ELAC1: variants seen among roughly 807,000 people sequenced by gnomAD.
The protein encoded by ELAC1 is zinc phosphodiesterase ELAC protein 1.
A neutral mutation model predicts 25.8 loss-of-function variants in ELAC1; 19 were observed. That is an observed-to-expected ratio of 0.74 (90% CI 0.51 to 1.08). The LOEUF (loss-of-function observed/expected upper bound fraction) is 1.08, where lower values mean the gene tolerates loss of function less well. Ranked by LOEUF, ELAC1 falls within the 50% of genes least tolerant of loss-of-function variation. ELAC1 has a pLI of 0.00. For synonymous variants in ELAC1, 148 were observed against 160.9 expected (o/e 0.92, Z 0.61); for missense variants, 403 against 434.6 (o/e 0.93, Z 0.65).
At chr18:50,975,967 G>C (rs1176628081) in intron 2 of ELAC1, among the ~76,000 whole-genome samples, 1 of 152,136 alleles carries the variant, frequency 6.6e-6, no homozygotes, top group African/African-American at 2.4e-5. Context: ...GACATTGAGG[G>C]AACAGACAAC....
At chr18:50,973,584 G>C (rs184688899) in intron 1 of ELAC1, among the ~76,000 whole-genome samples, 85 of 152,336 alleles carry the variant, frequency 5.6e-4, no homozygotes, top group Non-Finnish European at 3.4e-4. Context: ...TGATTGTTCA[G>C]AGAAAGGGAA....
chr18:50,983,645 T>C (rs566735393), intron 2 of ELAC1, among the ~76,000 whole-genome samples: 3 of 151,508 alleles, frequency 2.0e-5, no homozygotes, highest in Non-Finnish European at 4.4e-5. Context: ...GGCCAGGAGT[T>C]TGAGACCAGC....
At chr18:50,978,063 G>A (rs762775490) in intron 2 of ELAC1, among the ~76,000 whole-genome samples, 6 of 152,072 alleles carry the variant, frequency 3.9e-5, no homozygotes, top group Admixed American at 2.0e-4. Context: ...TGGACTTTTT[G>A]GTCAAAACCA....
In ELAC1 at chr18:50,987,064, A is replaced by C. The variant is rs1292853394; in HGVS notation, c.1071A>C (p.Ile357=). ...CTCTAGCAGAAGATTTTATGGTGATAAGCATTCCAATCAAGAAATGAAACC... is the reference window on the plus strand; with the variant it reads ...CTCTAGCAGAAGATTTTATGGTGATCAGCATTCCAATCAAGAAATGAAACC... ...EVTLAEDFMV[I]SIPIKK The change falls in exon 4 of 4, where the codon ATA becomes ATC. Residue 357 remains isoleucine (I), a synonymous_variant. Coordinates refer to ENST00000269466, the MANE Select transcript of ELAC1 (RefSeq NM_018696.3). The C allele has an allele frequency of 6.5e-7, 1 of 1,545,812 alleles. No individual in the cohort carries two copies. Among genetic ancestry groups the C allele is most frequent in the Non-Finnish European group, 8.7e-7 (1 of 1,145,962 alleles).
In ELAC1 at chr18:50,986,670, T is replaced by C. The variant is rs754730073; in HGVS notation, c.677T>C (p.Val226Ala). The change falls in exon 4 of 4, where the codon GTT becomes GCT. Residue 226 changes from valine to alanine, a missense_variant. By Grantham distance (64) the Val-to-Ala change is moderately conservative (BLOSUM62 0). Coordinates refer to ENST00000269466, the MANE Select transcript of ELAC1 (RefSeq NM_018696.3). ...AAGCTGAAAAATGGAATTTCTGTTG[T>C]TCTGGAAAATGGGGTTACAATTTCT... ...YGKLKNGISVVLENGVTISPQ... is the reference protein window; with the variant it reads ...YGKLKNGISVALENGVTISPQ... 2 of 1,613,930 alleles carry C rather than the reference T, an allele frequency of 1.2e-6. No homozygotes were observed. The highest frequency in any genetic ancestry group is 1.3e-5 in the African/African-American group (1 of 74,894).
At chr18:50,983,401 G>T (rs1423079674) in intron 2 of ELAC1, among the ~76,000 whole-genome samples, 1 of 151,902 alleles carries the variant, frequency 6.6e-6, no homozygotes, top group African/African-American at 2.4e-5. Flanking sequence ...CCGACCTCAG[G>T]TGATCCTCCT....
intron 2 of ELAC1, among the ~76,000 whole-genome samples, chr18:50,980,677 C>T (rs907212110): frequency 3.3e-5 from 5 of 150,156 alleles, no homozygotes; most frequent in Non-Finnish European, 5.9e-5. Flanking sequence ...GCAGGAGAAT[C>T]GCTTGAACCC....
chr18:50,972,277 A>G (rs1231087926), intron 1 of ELAC1, among the ~76,000 whole-genome samples: 3 of 151,994 alleles, frequency 2.0e-5, no homozygotes, highest in African/African-American at 4.8e-5. Context: ...GTGTATTTTT[A>G]TATACAATGC....
At chr18:50,969,458 TA>T (rs1907591206) in intron 1 of ELAC1, 1 of 152,252 alleles carries the variant, frequency 6.6e-6, no homozygotes, top group African/African-American at 2.4e-5. Context: ...AGGAGTTAGA[TA>T]GCATCTTGCC....
chr18:50,969,206 G>T (rs868568750), intron 1 of ELAC1: 1 of 152,150 alleles, frequency 6.6e-6, no homozygotes, highest in Non-Finnish European at 1.5e-5. Flanking sequence ...CGTTATATTT[G>T]GTTGATGTCT....
rs774287830 is a variant in ELAC1 at position 50,984,178 on chromosome 18, G to A, written c.240G>A (p.Leu80=). ...CTGGGCTCCTCTGCACAATCAGCCT[G>A]CAGAGTGGCTCCATGGTGTCCAAAC... is the stretch of plus-strand genomic sequence containing the variant. The part of the protein sequence containing the change: ...GLPGLLCTIS[L]QSGSMVSKQP... The change falls in exon 3 of 4, where the codon CTG becomes CTA. Residue 80 remains leucine, a synonymous_variant. Transcript: ENST00000269466. 1.2e-6 allele frequency: 2 copies of A among 1,614,148 alleles called. No individual in the cohort carries two copies. Among genetic ancestry groups the A allele is most frequent in the Admixed American group, 1.7e-5 (1 of 60,020 alleles).
chr18:50,984,353 G>A lies in ELAC1; in HGVS notation c.415G>A (p.Ala139Thr), dbSNP rs1273002506. ...QCPAEELKEF[A>T]HVNRADSPPK... ...TCCTGCAGAAGAACTAAAAGAATTTGCGCATGTGAATAGAGCAGACAGTCC... is the reference window on the plus strand; with the variant it reads ...TCCTGCAGAAGAACTAAAAGAATTTACGCATGTGAATAGAGCAGACAGTCC... Residue 139 changes from alanine (A) to threonine (T), a missense_variant, in exon 3 of 4, where the codon GCG becomes ACG. By Grantham distance (58) the Ala-to-Thr change is moderately conservative. Coordinates refer to ENST00000269466, the MANE Select transcript of ELAC1 (RefSeq NM_018696.3). The A allele has an allele frequency of 1.2e-6, 2 of 1,614,200 alleles. No individual in the cohort carries two copies. The highest frequency in any genetic ancestry group is 8.5e-7 in the Non-Finnish European group (1 of 1,180,036).
chr18:50,983,585 G>A lies in ELAC1; in HGVS notation c.158-511G>A, dbSNP rs148888948. ...TTATTGAAACCATCTAGTGGGGCTA[G>A]GCACCGTAATCCCAGCACTTTGGGA... On this transcript the variant is annotated intron_variant, in intron 2 of 3. Coordinates refer to ENST00000269466, the MANE Select transcript of ELAC1 (RefSeq NM_018696.3). Among the ~76,000 whole-genome samples the A allele has an allele frequency of 3.1e-3, 468 of 151,862 alleles. 10 individuals are homozygous for A. In the South Asian group the frequency reaches 0.042, roughly 14 times the overall value.
intron 1 of ELAC1, chr18:50,968,612 G>GAC (rs1907566280): frequency 6.6e-6 from 1 of 152,184 alleles, no homozygotes; most frequent in Non-Finnish European, 1.5e-5. Flanking sequence ...CTGCGGCCAG[G>GAC]ACCGAGATCC....
chr18:50,973,276 G>T (rs533115896), intron 1 of ELAC1, among the ~76,000 whole-genome samples: 32 of 152,242 alleles, frequency 2.1e-4, no homozygotes, highest in African/African-American at 7.7e-4. Flanking sequence ...CATCAATGTG[G>T]ATAATCTATA....
intron 3 of ELAC1, chr18:50,984,793 G>T: frequency 1.7e-6 from 1 of 573,346 alleles, no homozygotes; most frequent in Non-Finnish European, 3.1e-6. Context: ...GTAACTGGGT[G>T]TGGTGTCATG....
At chr18:50,982,105 C>T (rs1907968281) in intron 2 of ELAC1, among the ~76,000 whole-genome samples, 1 of 152,074 alleles carries the variant, frequency 6.6e-6, no homozygotes, top group African/African-American at 2.4e-5. Flanking sequence ...CTCAGCCTCC[C>T]AAAGTGTTGT....
At chr18:50,977,828 C>G (rs547987378) in intron 2 of ELAC1, among the ~76,000 whole-genome samples, 1 of 152,308 alleles carries the variant, frequency 6.6e-6, no homozygotes, top group South Asian at 2.1e-4. Context: ...TTTGTGAATA[C>G]ATAAAAGTGA....
chr18:50,986,678 A>G lies in ELAC1; in HGVS notation c.685A>G (p.Asn229Asp). ...LKNGISVVLE[N>D]GVTISPQDVL... ...AAATGGAATTTCTGTTGTTCTGGAA[A>G]ATGGGGTTACAATTTCTCCCCAAGA... The change falls in exon 4 of 4, where the codon AAT (asparagine) becomes GAT (aspartate). Residue 229 changes from asparagine (N) to aspartate (D), a missense_variant. Transcript: ENST00000269466. 1 of 1,614,052 alleles carries G rather than the reference A, an allele frequency of 6.2e-7. No homozygotes were observed. Among genetic ancestry groups the G allele is most frequent in the Non-Finnish European group, 8.5e-7 (1 of 1,179,988 alleles).
Sources: gnomAD v4.1 joint callset for allele counts (sites outside exome capture counted in the v4.1 genomes callset) on GRCh38, gnomAD v4.1.1 for gene constraint, MANE v1.5 for transcripts, NCBI Gene and HGNC (gene_info 2026-07-23, HGNC 2026-07-21) for gene names.